Variants in TEX2 observed in about 807,000 individuals in gnomAD.
TEX2 encodes testis-expressed protein 2.
Under a neutral mutation model 106.9 loss-of-function variants are expected in TEX2, and 53 were observed. The observed-to-expected ratio is 0.50, with a 90% CI of 0.40 to 0.62. The LOEUF is 0.62. TEX2 is among the 20% of genes least tolerant of loss of function. The pLI is 0.00. For synonymous variants in TEX2, 523 were observed against 534.8 expected, an observed-to-expected ratio of 0.98 and a Z score of 0.30; for missense variants, 1,207 against 1,379.0, an observed-to-expected ratio of 0.88 and a Z score of 1.98.
rs1555632138 is a variant in TEX2, at chr17:64,213,686, A to T, written c.532T>A (p.Ser178Thr). 6.2e-7 allele frequency: 1 copy of T among 1,614,122 alleles called. No individual in the cohort carries two copies. Among genetic ancestry groups the T allele is most frequent in the African/African-American group, 1.3e-5 (1 of 75,024 alleles). The change falls in exon 2 of 12, where the codon TCA (serine) becomes ACA (threonine). Residue 178 changes from serine to threonine, a missense_variant. Ser to Thr is a moderately conservative substitution (Grantham distance 58). Transcript: ENST00000584379. This position sits in a 1 kb window ranked among gnomAD's most constrained non-coding sequence, Gnocchi z 4.4. ...TTTGCACTGGAAAGGGTGGAGGTTG[A>T]GGCACTGGATGAGAGGATGGGAGAC... ...SKSPILSSSASTSTLSSAKPF... is the reference protein window; with the variant it reads ...SKSPILSSSATTSTLSSAKPF...
At chr17:64,194,037 AC>A (rs767196546) in intron 3 of TEX2, 148 bp from the exon 4 acceptor site, 2 of 470,412 alleles carry the variant, frequency 4.3e-6, no homozygotes, top group East Asian at 7.0e-5. Flanking sequence ...TCATAACATG[AC>A]TACAGAAACT....
chr17:64,160,910 A>T lies in TEX2; in HGVS notation c.2695T>A (p.Ser899Thr), dbSNP rs1427992422. 1.2e-6 allele frequency: 2 copies of T among 1,614,058 alleles called. No individual in the cohort carries two copies. The highest frequency in any genetic ancestry group is 1.1e-5 in the South Asian group (1 of 91,078). The change falls in exon 8 of 12, where the codon TCC becomes ACC. Residue 899 changes from serine to threonine, a missense_variant. Coordinates refer to ENST00000584379, the MANE Select transcript of TEX2 (RefSeq NM_001288732.2). ...GTCATCAGAAAGGACCCATTGTAGG[A>T]CATTTCCAAATCAATCCAGAGTCCT... ...HQGLWIDLEMSYNGSFLMTLE... is the reference protein window; with the variant it reads ...HQGLWIDLEMTYNGSFLMTLE...
At chr17:64,182,810 CTT>C (rs34371394) in intron 5 of TEX2, among the ~76,000 whole-genome samples, 107,587 of 151,812 alleles carry the variant, frequency 0.71, 38,223 homozygotes, top group East Asian at 0.82. Context: ...GCATAATAAA[CTT>C]ATTTTTATTG....
chr17:64,182,738 C>T (rs974150870), intron 5 of TEX2, among the ~76,000 whole-genome samples: 1 of 152,166 alleles, frequency 6.6e-6, no homozygotes, highest in Non-Finnish European at 1.5e-5. Context: ...TCTTTTGTGA[C>T]TGACTCCCCT....
At chr17:64,150,582 C>T (rs942274953) in intron 11 of TEX2, 1 of 240,262 alleles carries the variant, frequency 4.2e-6, no homozygotes, top group Non-Finnish European at 8.0e-6. Context: ...TGGGAAAAGA[C>T]ATCATCATTT....
intron 1 of TEX2, chr17:64,239,395 G>T (rs188963678): frequency 6.6e-6 from 1 of 152,246 alleles, no homozygotes; most frequent in East Asian, 1.9e-4. Context: ...ATACCCCAAA[G>T]AGCTTTGTAA....
intron 1 of TEX2, among the ~76,000 whole-genome samples, chr17:64,238,629 G>A (rs1196538628): frequency 6.6e-6 from 1 of 152,184 alleles, no homozygotes; most frequent in Admixed American, 6.5e-5. Flanking sequence ...CCAAGCGAAG[G>A]GGGAAGCCCC....
At chr17:64,210,639 T>C (rs1482925847) in intron 2 of TEX2, among the ~76,000 whole-genome samples, 2 of 139,834 alleles carry the variant, frequency 1.4e-5, no homozygotes, top group African/African-American at 5.1e-5. Flanking sequence ...CCCAGCTTTT[T>C]TTTTTTTTTT....
rs2030153218 is a variant in TEX2 at position 64,148,184 on chromosome 17, C to G, written c.*785G>C. 2 of 152,646 alleles carry G rather than the reference C, an allele frequency of 1.3e-5. No individual in the cohort carries two copies. The highest frequency in any genetic ancestry group is 2.9e-5 in the Non-Finnish European group (2 of 68,044). The allele number at this position is 152,646 out of a possible 1,614,324, so 9.5% of individuals were successfully genotyped here. A position where few individuals can be genotyped will look rare whatever the true frequency, so the allele number is the denominator to read the frequency against. On this transcript the variant is annotated 3_prime_UTR_variant, in exon 12 of 12. Transcript: ENST00000584379. ...ACTGGCTCTGGCTTTCTAACCCCATCCCATCTGTATGAGAGGACCCATCCT... is the reference window on the plus strand; with the variant it reads ...ACTGGCTCTGGCTTTCTAACCCCATGCCATCTGTATGAGAGGACCCATCCT...
At chr17:64,256,831 C>T (rs2034193621) in intron 1 of TEX2, among the ~76,000 whole-genome samples, 1 of 152,098 alleles carries the variant, frequency 6.6e-6, no homozygotes. Context: ...TTTTTAAATT[C>T]TCTATTTTGA....
chr17:64,228,711 T>C (rs2033577718), intron 1 of TEX2, among the ~76,000 whole-genome samples: 1 of 152,316 alleles, frequency 6.6e-6, no homozygotes, highest in South Asian at 2.1e-4. Context: ...GGACCGCTCC[T>C]GGTCTGTGGC....
intron 7 of TEX2, among the ~76,000 whole-genome samples, chr17:64,164,005 T>C (rs541302406): frequency 6.6e-6 from 1 of 152,200 alleles, no homozygotes; most frequent in Admixed American, 6.5e-5. Flanking sequence ...TGCCTTTAAA[T>C]AGGAGTAAGC....
intron 1 of TEX2, among the ~76,000 whole-genome samples, chr17:64,262,282 T>C (rs2034301496): frequency 6.6e-6 from 1 of 152,246 alleles, no homozygotes; most frequent in Non-Finnish European, 1.5e-5. Flanking sequence ...TTCATAGCTC[T>C]GGAGAAAGAG....
chr17:64,188,476 A>T, intron 4 of TEX2, 61 bp from the exon 5 acceptor site: 1 of 1,507,426 alleles, frequency 6.6e-7, no homozygotes, highest in South Asian at 1.1e-5. Flanking sequence ...AAGTAAGCGG[A>T]CTCCCTGAGA....
At chr17:64,151,395 A>C (rs2030347145) in intron 10 of TEX2, among the ~76,000 whole-genome samples, 4 of 152,212 alleles carry the variant, frequency 2.6e-5, no homozygotes, top group African/African-American at 7.2e-5. Context: ...AGAGAGGACT[A>C]TTGACAGAAG....
At chr17:64,151,801 G>A (rs2030370616) in intron 10 of TEX2, among the ~76,000 whole-genome samples, 1 of 152,122 alleles carries the variant, frequency 6.6e-6, no homozygotes, top group South Asian at 2.1e-4. Flanking sequence ...TTGGCAGTAA[G>A]GAGAAGAAAT....
chr17:64,203,446 C>T (rs1555630370), intron 2 of TEX2, among the ~76,000 whole-genome samples: 1 of 152,192 alleles, frequency 6.6e-6, no homozygotes, highest in African/African-American at 2.4e-5. Flanking sequence ...TCTCTGTCTC[C>T]AAAACTAAAA....
intron 5 of TEX2, among the ~76,000 whole-genome samples, chr17:64,187,595 A>ACCCTG (rs1372114465): frequency 1.3e-5 from 2 of 151,888 alleles, no homozygotes; most frequent in Non-Finnish European, 2.9e-5. Flanking sequence ...TCAACATCAT[A>ACCCTG]CCCTGCTCAA....
chr17:64,187,376 T>G (rs1380408587), intron 5 of TEX2, among the ~76,000 whole-genome samples: 1 of 152,128 alleles, frequency 6.6e-6, no homozygotes, highest in African/African-American at 2.4e-5. Context: ...CAGGTCAAAG[T>G]GCAAATCTTG....
Sources: gnomAD v4.1 joint callset for allele counts (sites outside exome capture counted in the v4.1 genomes callset) on GRCh38, gnomAD v4.1.1 for gene constraint, Gnocchi (gnomAD v3.1) non-coding constraint, MANE v1.5 for transcripts, NCBI Gene and HGNC (gene_info 2026-07-23, HGNC 2026-07-21) for gene names.